Variants in MAST4 observed in about 807,000 individuals in gnomAD.
MAST4 encodes the protein microtubule-associated serine/threonine-protein kinase 4.
In MAST4, 89 loss-of-function variants were observed where a neutral mutation model predicts 162.7. The observed-to-expected ratio is 0.55, with a 90% CI of 0.46 to 0.65. The LOEUF is 0.65. Among genes scored for constraint, MAST4 ranks in the 30% least tolerant of loss-of-function variants. The pLI, the probability that MAST4 is intolerant of heterozygous loss-of-function variation, is 0.00. For synonymous variants in MAST4, 1,479 were observed against 1,361.1 expected (o/e 1.09, Z -1.91); for missense variants, 3,153 against 3,374.0 (o/e 0.93, Z 1.62).
chr5:66,619,251 A>G (rs868740729), intron 1 of MAST4, among the ~76,000 whole-genome samples: 14 of 152,158 alleles, frequency 9.2e-5, no homozygotes, highest in African/African-American at 3.1e-4. Context: ...AAAACACATC[A>G]GGGGCTTGCT....
rs552987060 is a variant in MAST4 at position 67,126,512 on chromosome 5, A to G, written c.1746-3698A>G. Among the ~76,000 whole-genome samples the G allele has an allele frequency of 3.9e-5, 6 of 152,244 alleles. No individual in the cohort carries two copies. The East Asian group carries it at 1.2e-3, about 29-fold the overall frequency. ...TTTTAAATAGGGAATCCTTTCCCCC[A>G]TTGCTTGTTTTTGTCAAGTTTGTCA... is the stretch of plus-strand genomic sequence containing the variant. On this transcript the variant is annotated intron_variant, in intron 14 of 28. Coordinates refer to ENST00000403625, the MANE Select transcript of MAST4 (RefSeq NM_001164664.2).
chr5:66,858,131 A>AT (rs879426525), intron 3 of MAST4, among the ~76,000 whole-genome samples: 23 of 151,598 alleles, frequency 1.5e-4, no homozygotes, highest in Admixed American at 2.6e-4. Context: ...TAATTTTTAT[A>AT]TTTTTTACAT....
intron 4 of MAST4, among the ~76,000 whole-genome samples, chr5:67,022,516 A>T (rs1052003338): frequency 3.8e-4 from 58 of 152,212 alleles, no homozygotes; most frequent in African/African-American, 1.4e-3. Context: ...AAATTCCCTC[A>T]TGTGGAACTT....
At chr5:66,825,806 T>C (rs1358707716) in intron 3 of MAST4, among the ~76,000 whole-genome samples, 1 of 152,186 alleles carries the variant, frequency 6.6e-6, no homozygotes, top group East Asian at 1.9e-4. Context: ...TAGATTACAA[T>C]TAATGACAAA....
intron 4 of MAST4, among the ~76,000 whole-genome samples, chr5:66,916,589 A>G (rs56076946): frequency 0.012 from 1,835 of 152,300 alleles, 41 homozygotes; most frequent in African/African-American, 0.042. Context: ...CCCTGTCTCT[A>G]TCCACAACCT....
Position 67,130,255 on chromosome 5 carries a change from C to T in MAST4, c.1791C>T (p.Ala597=). The T allele has an allele frequency of 6.2e-7, 1 of 1,613,634 alleles. No homozygotes were observed. The highest frequency in any genetic ancestry group is 8.5e-7 in the Non-Finnish European group (1 of 1,179,740). Residue 597 remains alanine, a synonymous_variant, in exon 15 of 29, where the codon GCC becomes GCT. Transcript: ENST00000403625. Reference sequence around the variant, plus strand: ...ATAAAGAATCCCGGCAGAGGTTTGCCATGAAGAAGATTAATAAACAGAACC... The same window carrying T: ...ATAAAGAATCCCGGCAGAGGTTTGCTATGAAGAAGATTAATAAACAGAACC... ...VRHKESRQRF[A]MKKINKQNLI...
intron 3 of MAST4, among the ~76,000 whole-genome samples, chr5:66,868,282 A>C (rs571443200): frequency 6.6e-6 from 1 of 152,050 alleles, no homozygotes; most frequent in African/African-American, 2.4e-5. Context: ...GGATCTCCCT[A>C]TAGTGAAGAA....
intron 4 of MAST4, among the ~76,000 whole-genome samples, chr5:66,942,557 G>A (rs1036770658): frequency 6.6e-6 from 1 of 152,128 alleles, no homozygotes; most frequent in African/African-American, 2.4e-5. Context: ...GTCATGCAGT[G>A]TGAAATATCA....
chr5:66,726,864 A>G (rs1224897122), intron 1 of MAST4, among the ~76,000 whole-genome samples: 3 of 152,100 alleles, frequency 2.0e-5, no homozygotes, highest in Admixed American at 2.0e-4. Context: ...CAGTCCGTGG[A>G]AAAATTGTCT....
intron 4 of MAST4, among the ~76,000 whole-genome samples, chr5:66,943,324 G>A (rs900523382): frequency 6.6e-6 from 1 of 152,118 alleles, no homozygotes; most frequent in African/African-American, 2.4e-5. Context: ...ATAAATGGAA[G>A]CTATGGTTAG....
chr5:66,984,768 C>CG (rs1749278292), intron 4 of MAST4, among the ~76,000 whole-genome samples: 1 of 114,284 alleles, frequency 8.8e-6, no homozygotes. Flanking sequence ...GGGGGCGGGG[C>CG]GGGGGGCATT....
At chr5:66,918,171 C>T (rs978713816) in intron 4 of MAST4, among the ~76,000 whole-genome samples, 6 of 152,034 alleles carry the variant, frequency 3.9e-5, no homozygotes, top group Non-Finnish European at 4.4e-5. Context: ...TTTTAATTAT[C>T]TGATAATTAT....
chr5:67,162,126 CAATGG>C (rs1396448697), intron 27 of MAST4, among the ~76,000 whole-genome samples: 14 of 152,320 alleles, frequency 9.2e-5, no homozygotes, highest in African/African-American at 3.4e-4. Flanking sequence ...CAAGAGCCCA[CAATGG>C]AATAAGCACA....
intron 4 of MAST4, among the ~76,000 whole-genome samples, chr5:66,912,372 C>T (rs1343700951): frequency 2.0e-5 from 3 of 152,110 alleles, no homozygotes; most frequent in Admixed American, 2.0e-4. Context: ...CTTAACAAAT[C>T]AAGAATCAAT....
chr5:66,697,300 T>A (rs1749468933), intron 1 of MAST4, among the ~76,000 whole-genome samples: 1 of 152,238 alleles, frequency 6.6e-6, no homozygotes, highest in African/African-American at 2.4e-5. Flanking sequence ...ACCAGTATTT[T>A]CCAAGTGACC....
intron 3 of MAST4, among the ~76,000 whole-genome samples, chr5:66,896,915 T>C (rs1283891559): frequency 6.6e-6 from 1 of 152,232 alleles, no homozygotes; most frequent in African/African-American, 2.4e-5. Flanking sequence ...AACAGGATTC[T>C]CAGACAAGAT....
At chr5:66,907,194 AGAGAGAGAGAG>A (rs1763420621) in intron 4 of MAST4, among the ~76,000 whole-genome samples, 1 of 138,756 alleles carries the variant, frequency 7.2e-6, no homozygotes, top group Non-Finnish European at 1.6e-5. Flanking sequence ...AGAGAGAGAG[AGAGAGAGAGAG>A]AGTCCTGCTA....
chr5:66,639,278 T>TTGTG (rs70987132), intron 1 of MAST4, among the ~76,000 whole-genome samples: 5,563 of 138,684 alleles, frequency 0.04, 243 homozygotes, highest in African/African-American at 0.11. Flanking sequence ...GAGAGGCAGC[T>TTGTG]TGTGTGTGTG....
chr5:66,767,931 T>C (rs1754175263), intron 2 of MAST4, among the ~76,000 whole-genome samples: 1 of 152,158 alleles, frequency 6.6e-6, no homozygotes, highest in Admixed American at 6.6e-5. Context: ...CTGACTCAAA[T>C]GTTAATCTCC....
Sources: allele counts gnomAD v4.1 joint callset (sites outside exome capture counted in the v4.1 genomes callset), GRCh38; gene constraint gnomAD v4.1.1; transcripts MANE v1.5; gene names NCBI Gene and HGNC (gene_info 2026-07-23, HGNC 2026-07-21).